CTTNBP2: variants seen among roughly 807,000 people sequenced by gnomAD.
CTTNBP2 encodes the protein cortactin binding protein 2.
CTTNBP2 carries 108 observed loss-of-function variants against 156.9 expected under a neutral mutation model. That is an observed-to-expected ratio of 0.69 (90% CI 0.59 to 0.81). The LOEUF (loss-of-function observed/expected upper bound fraction) is 0.81. Among genes scored for constraint, CTTNBP2 ranks in the 30% least tolerant of loss-of-function variants. The pLI, the probability that CTTNBP2 is intolerant of heterozygous loss-of-function variation, is 0.00. For synonymous variants in CTTNBP2, 767 were observed against 751.8 expected, an observed-to-expected ratio of 1.02 and a Z score of -0.33; for missense variants, 1,924 against 2,035.4, an observed-to-expected ratio of 0.95 and a Z score of 1.05.
In CTTNBP2 at chr7:117,757,936, C is replaced by A; in HGVS notation, c.3207G>T (p.Ala1069=). 1 of 1,613,372 alleles carries A rather than the reference C, an allele frequency of 6.2e-7. No homozygotes were observed. Among genetic ancestry groups the A allele is most frequent in the South Asian group, 1.1e-5 (1 of 90,998 alleles). The change falls in exon 11 of 23, where the codon GCG becomes GCT. Residue 1069 remains alanine (A), a synonymous_variant. Coordinates refer to ENST00000160373, the MANE Select transcript of CTTNBP2 (RefSeq NM_033427.3). Reference sequence around the variant, plus strand: ...TCCTCATAAAGTCCCACGGGGACTGCGCGAAGCTCTGACCCACTGACCACG... The same window carrying A: ...TCCTCATAAAGTCCCACGGGGACTGAGCGAAGCTCTGACCCACTGACCACG... The part of the protein sequence containing the change: ...NVPWSVGQSF[A]QSPWDFMRKN...
At chr7:117,822,284 T>A (rs1801012209) in intron 2 of CTTNBP2, among the ~76,000 whole-genome samples, 1 of 152,190 alleles carries the variant, frequency 6.6e-6, no homozygotes, top group Non-Finnish European at 1.5e-5. Flanking sequence ...TTCTTGTTCA[T>A]TCTAGCTAGG....
chr7:117,756,331 C>G (rs1241200124), intron 12 of CTTNBP2, among the ~76,000 whole-genome samples: 1 of 152,038 alleles, frequency 6.6e-6, no homozygotes, highest in Admixed American at 6.6e-5. Context: ...TCACAGGTCA[C>G]AGGTGGTCTC....
intron 4 of CTTNBP2, among the ~76,000 whole-genome samples, 189 bp downstream of exon 4, chr7:117,790,939 G>C (rs1798960428): frequency 6.6e-6 from 1 of 150,962 alleles, no homozygotes; most frequent in Non-Finnish European, 1.5e-5. Flanking sequence ...AATTCATATA[G>C]CAAGATGAAT....
At chr7:117,812,859 T>C (rs1800372510) in intron 2 of CTTNBP2, among the ~76,000 whole-genome samples, 1 of 152,216 alleles carries the variant, frequency 6.6e-6, no homozygotes, top group African/African-American at 2.4e-5. Context: ...ACAGTCACTT[T>C]GAGCCAAAAT....
chr7:117,824,966 C>T (rs765779398), intron 2 of CTTNBP2, among the ~76,000 whole-genome samples: 6 of 152,162 alleles, frequency 3.9e-5, no homozygotes, highest in Admixed American at 1.3e-4. Flanking sequence ...TTCTTGTTTA[C>T]TCCATCCTTG....
intron 3 of CTTNBP2, among the ~76,000 whole-genome samples, chr7:117,806,761 T>G (rs1375540283): frequency 6.7e-6 from 1 of 149,892 alleles, no homozygotes; most frequent in Non-Finnish European, 1.5e-5. Context: ...TTTTTTTTTT[T>G]TTTTTTTTTT....
chr7:117,860,537 G>A (rs2117243323), intron 2 of CTTNBP2, among the ~76,000 whole-genome samples: 1 of 152,042 alleles, frequency 6.6e-6, no homozygotes, highest in East Asian at 1.9e-4. Flanking sequence ...TAGAGAAGGG[G>A]TTTCACCGTG....
At chr7:117,871,872 A>ACACACACC in intron 1 of CTTNBP2, 15 of 921,110 alleles carry the variant, frequency 1.6e-5, no homozygotes, top group Non-Finnish European at 1.9e-5. Context: ...ACACACACAC[A>ACACACACC]CACCCTCTTT....
Position 117,711,516 on chromosome 7 carries a change from A to C in CTTNBP2, c.*21T>G, listed in dbSNP as rs768053825. The stretch of plus-strand genomic sequence containing the variant: ...CTGTGTGAAATAGAGGAAGTTAATA[A>C]TGAGAATATTGTAGGCAGGCCTATT... On this transcript the variant is annotated 3_prime_UTR_variant, in exon 23 of 23. Transcript: ENST00000160373. 4 of 1,595,356 alleles carry C rather than the reference A, an allele frequency of 2.5e-6. No homozygotes were observed. The Admixed American group carries it at 7.1e-5, about 28-fold the overall frequency.
intron 2 of CTTNBP2, among the ~76,000 whole-genome samples, chr7:117,826,550 A>G (rs991107544): frequency 6.6e-6 from 1 of 152,150 alleles, no homozygotes; most frequent in Non-Finnish European, 1.5e-5. Context: ...TAGCCCTAAA[A>G]TAACAAATGT....
In CTTNBP2 at chr7:117,721,078, CAG is replaced by C. The variant is rs1794764055; in HGVS notation, c.4498_4499del (p.Leu1500ValfsTer9). 1.2e-6 allele frequency: 2 copies of C among 1,603,030 alleles called. No homozygotes were observed. Among genetic ancestry groups the C allele is most frequent in the Non-Finnish European group, 1.7e-6 (2 of 1,170,038 alleles). ...AAAGGGGAACTTACTTTTGTTTTGACAGAGAAGCATTCCTGTTACAATTCAGC... is the reference window on the plus strand; with the variant it reads ...AAAGGGGAACTTACTTTTGTTTTGACAGAAGCATTCCTGTTACAATTCAGC... Reference protein sequence around the residue: ...SQLNCNRNASLSKQKSLENDL... With the variant: ...SQLNCNRNASXSKQKSLENDL... On this transcript the variant is annotated frameshift_variant, in exon 20 of 23. Coordinates refer to ENST00000160373, the MANE Select transcript of CTTNBP2 (RefSeq NM_033427.3). LOFTEE classifies it high-confidence loss of function.
rs1795197883 is a variant in CTTNBP2 at position 117,728,127 on chromosome 7, A to G, written c.4017T>C (p.Ser1339=). The G allele has an allele frequency of 6.2e-7, 1 of 1,614,204 alleles. No homozygotes were observed. The highest frequency in any genetic ancestry group is 8.5e-7 in the Non-Finnish European group (1 of 1,180,016). The change falls in exon 17 of 23, where the codon TCT becomes TCC. Residue 1339 remains serine, a synonymous_variant. Transcript: ENST00000160373. ...GGGCATGCCCAGGAACTACAGGACAAGACAGGAAATATTTTGGTCCAAGAA... is the reference window on the plus strand; with the variant it reads ...GGGCATGCCCAGGAACTACAGGACAGGACAGGAAATATTTTGGTCCAAGAA... ...EALLGPKYFL[S]CPVVPGHAQV...
chr7:117,850,230 A>G (rs1050175643), intron 2 of CTTNBP2, among the ~76,000 whole-genome samples: 5 of 152,196 alleles, frequency 3.3e-5, no homozygotes, highest in Admixed American at 1.3e-4. Context: ...TCTATGGGGA[A>G]TATGTGCCAA....
In CTTNBP2 at chr7:117,782,975, T is replaced by C. The variant is rs750250818; in HGVS notation, c.2273-14A>G. 5 of 1,593,904 alleles carry C rather than the reference T, an allele frequency of 3.1e-6. No individual in the cohort carries two copies. The highest frequency in any genetic ancestry group is 1.1e-5 in the South Asian group (1 of 89,340). ...ATCTCACACAGTCTATGGATTTTAA[T>C]AGAAAGCCATGTAAATTCCCCATTT... On this transcript the variant is annotated splice_polypyrimidine_tract_variant and intron_variant, in intron 5 of 22. Transcript: ENST00000160373.
intron 12 of CTTNBP2, among the ~76,000 whole-genome samples, chr7:117,746,306 A>G (rs904861500): frequency 2.6e-5 from 4 of 152,200 alleles, no homozygotes; most frequent in African/African-American, 9.7e-5. Flanking sequence ...AAGAGCTGAT[A>G]CTTTATAAAA....
intron 1 of CTTNBP2, among the ~76,000 whole-genome samples, chr7:117,868,629 C>T (rs1318543498): frequency 6.6e-6 from 1 of 152,232 alleles, no homozygotes; most frequent in Non-Finnish European, 1.5e-5. Flanking sequence ...ATGTCATCAT[C>T]ATCGTCTCTC....
At position 117,831,252 on chromosome 7, in the gene CTTNBP2, C is replaced by A. The variant is rs144216177; in HGVS notation, c.190-20263G>T. Reference sequence around the variant, plus strand: ...AGCCTTCATTAGAACTCCCTGACACCTTCATGTCTGTGGGCTTCATCATGA... The same window carrying A: ...AGCCTTCATTAGAACTCCCTGACACATTCATGTCTGTGGGCTTCATCATGA... On this transcript the variant is annotated intron_variant, in intron 2 of 22. Coordinates refer to ENST00000160373, the MANE Select transcript of CTTNBP2 (RefSeq NM_033427.3). Among the ~76,000 whole-genome samples the A allele has an allele frequency of 1.5e-3, 227 of 152,236 alleles. 2 individuals are homozygous for A. In the East Asian group the frequency reaches 0.028, roughly 19 times the overall value.
chr7:117,729,535 T>C (rs558637709), intron 16 of CTTNBP2, among the ~76,000 whole-genome samples: 1 of 152,254 alleles, frequency 6.6e-6, no homozygotes, highest in African/African-American at 2.4e-5. Flanking sequence ...AAAAAATCCA[T>C]GTAAGTTAGT....
intron 2 of CTTNBP2, among the ~76,000 whole-genome samples, chr7:117,834,729 TCTC>T (rs1229164374): frequency 6.6e-6 from 1 of 152,230 alleles, no homozygotes; most frequent in Non-Finnish European, 1.5e-5. Context: ...GTCATAAACT[TCTC>T]CATTTTACAT....
Sources: gnomAD v4.1 joint callset for allele counts (sites outside exome capture counted in the v4.1 genomes callset) on GRCh38, gnomAD v4.1.1 for gene constraint, MANE v1.5 for transcripts, NCBI Gene and HGNC (gene_info 2026-07-23, HGNC 2026-07-21) for gene names.